The following PLA2G4A variants were observed in gnomAD, a reference collection of about 807,000 sequenced individuals.
The protein encoded by PLA2G4A is phospholipase A2 group IVA, also known as cytosolic phospholipase A2.
Under a neutral mutation model 81.9 loss-of-function variants are expected in PLA2G4A, and 40 were observed. That is an observed-to-expected ratio of 0.49 (90% CI 0.38 to 0.64). The LOEUF (loss-of-function observed/expected upper bound fraction) is 0.64. Ranked by LOEUF, PLA2G4A falls within the 30% of genes least tolerant of loss-of-function variation. The pLI, the probability that PLA2G4A is intolerant of heterozygous loss-of-function variation, is 0.00. For synonymous variants in PLA2G4A, 302 were observed against 296.9 expected (o/e 1.02, Z -0.18); for missense variants, 715 against 905.1 (o/e 0.79, Z 2.69).
At chr1:186,896,027 TTAATTA>T (rs1654321405) in intron 5 of PLA2G4A, among the ~76,000 whole-genome samples, 1 of 151,348 alleles carries the variant, frequency 6.6e-6, no homozygotes, top group South Asian at 2.1e-4. Flanking sequence ...ATGAATACAT[TTAATTA>T]TAATTTGATA....
intron 7 of PLA2G4A, among the ~76,000 whole-genome samples, chr1:186,919,767 A>G (rs1293482829): frequency 6.6e-6 from 1 of 152,220 alleles, no homozygotes; most frequent in Non-Finnish European, 1.5e-5. Flanking sequence ...AGCCAGCAGC[A>G]GCCCTAACAA....
intron 3 of PLA2G4A, among the ~76,000 whole-genome samples, chr1:186,872,628 A>T (rs1653322299): frequency 4.6e-5 from 7 of 151,976 alleles, no homozygotes. Flanking sequence ...GTCTCTTTCA[A>T]CTGGTGTGGA....
intron 15 of PLA2G4A, among the ~76,000 whole-genome samples, chr1:186,967,044 T>A (rs1434916201): frequency 6.6e-6 from 1 of 152,140 alleles, no homozygotes; most frequent in African/African-American, 2.4e-5. Flanking sequence ...GAAGTGGCAA[T>A]TCATAATAAT....
At chr1:186,934,114 A>C (rs1214801395) in intron 8 of PLA2G4A, among the ~76,000 whole-genome samples, 7 of 152,062 alleles carry the variant, frequency 4.6e-5, no homozygotes, top group Non-Finnish European at 1.0e-4. Context: ...TTTAATGAGT[A>C]ATGTGTTAGA....
At chr1:186,914,232 C>T (rs984765954) in intron 7 of PLA2G4A, among the ~76,000 whole-genome samples, 4 of 151,142 alleles carry the variant, frequency 2.6e-5, no homozygotes, top group African/African-American at 9.7e-5. Flanking sequence ...CAGGACTATG[C>T]GTGCATGCCA....
Position 186,988,837 on chromosome 1 carries a change from T to G in PLA2G4A, c.*329T>G, listed in dbSNP as rs1657978753. The stretch of plus-strand genomic sequence containing the variant: ...AAAAATTTTTTTTCTTTTAAAATAT[T>G]TAACAGTTCAATCTCAATAAGACCT... On this transcript the variant is annotated 3_prime_UTR_variant, in exon 18 of 18. Coordinates refer to ENST00000367466, the MANE Select transcript of PLA2G4A (RefSeq NM_024420.3). 2 of 230,490 alleles carry G rather than the reference T, an allele frequency of 8.7e-6. No homozygotes were observed. Among genetic ancestry groups the G allele is most frequent in the South Asian group, 1.3e-4 (2 of 15,982 alleles). The allele number at this position is 230,490 out of a possible 1,614,324, so 14.3% of individuals were successfully genotyped here. A position where few individuals can be genotyped will look rare whatever the true frequency, so the allele number is the denominator to read the frequency against.
intron 14 of PLA2G4A, among the ~76,000 whole-genome samples, chr1:186,960,119 C>T (rs1161004587): frequency 6.6e-6 from 1 of 152,024 alleles, no homozygotes; most frequent in Admixed American, 6.5e-5. Context: ...GATAAAATTC[C>T]ACTCATGTGT....
chr1:186,903,730 C>T (rs925656428), intron 5 of PLA2G4A, among the ~76,000 whole-genome samples: 18 of 152,178 alleles, frequency 1.2e-4, no homozygotes, highest in African/African-American at 3.4e-4. Context: ...TTGCAGGAAA[C>T]AAGCTCAGGG....
chr1:186,905,146 C>T (rs1654689504), intron 5 of PLA2G4A, among the ~76,000 whole-genome samples: 1 of 152,162 alleles, frequency 6.6e-6, no homozygotes, highest in Non-Finnish European at 1.5e-5. Flanking sequence ...TGAGCCACCA[C>T]ACCCAGCCAA....
intron 6 of PLA2G4A, among the ~76,000 whole-genome samples, chr1:186,907,440 C>T (rs571589384): frequency 7.9e-5 from 12 of 152,136 alleles, no homozygotes; most frequent in African/African-American, 2.9e-4. Flanking sequence ...TCATACTGAC[C>T]CAGCTGGACT....
chr1:186,901,603 A>G (rs1033625003), intron 5 of PLA2G4A, among the ~76,000 whole-genome samples: 1 of 152,212 alleles, frequency 6.6e-6, no homozygotes, highest in African/African-American at 2.4e-5. Flanking sequence ...AAGAAGTAAT[A>G]GAGTGGTTTG....
At chr1:186,954,133 C>T (rs181743995) in intron 13 of PLA2G4A, among the ~76,000 whole-genome samples, 162 of 152,262 alleles carry the variant, frequency 1.1e-3, no homozygotes, top group Non-Finnish European at 2.4e-4. Flanking sequence ...TATAAAGACA[C>T]ATGCACATGT....
At chr1:186,870,777 C>T (rs757008807) in intron 3 of PLA2G4A, 74 of 1,439,062 alleles carry the variant, frequency 5.1e-5, no homozygotes, top group Non-Finnish European at 6.7e-5. Flanking sequence ...TGCTGTTAAA[C>T]GTATAATTAT....
intron 7 of PLA2G4A, among the ~76,000 whole-genome samples, chr1:186,916,452 T>G (rs1037374284): frequency 2.6e-5 from 4 of 152,346 alleles, no homozygotes; most frequent in Admixed American, 6.5e-5. Context: ...TACTTATTTT[T>G]GGTCATATAG....
intron 17 of PLA2G4A, among the ~76,000 whole-genome samples, chr1:186,987,948 C>A (rs1265274581): frequency 3.3e-5 from 5 of 152,140 alleles, no homozygotes; most frequent in African/African-American, 1.2e-4. Context: ...TGCCTTCTTC[C>A]TCCACTAGGA....
intron 14 of PLA2G4A, among the ~76,000 whole-genome samples, chr1:186,961,016 G>A (rs1441124335): frequency 6.6e-6 from 1 of 152,092 alleles, no homozygotes. Flanking sequence ...CTACTTACTG[G>A]TTTGGCTTGG....
intron 6 of PLA2G4A, among the ~76,000 whole-genome samples, chr1:186,909,660 CAA>C (rs377504921): frequency 0.49 from 55,139 of 112,330 alleles, 12,473 homozygotes; most frequent in African/African-American, 0.64. Flanking sequence ...AACTCCGTCT[CAA>C]AAAAAAAAAA....
intron 5 of PLA2G4A, among the ~76,000 whole-genome samples, chr1:186,905,595 T>C (rs905391149): frequency 1.3e-5 from 2 of 152,180 alleles, no homozygotes; most frequent in Non-Finnish European, 2.9e-5. Flanking sequence ...TAGAATTCTA[T>C]ATATAGGAAC....
chr1:186,921,042 A>G (rs537384806), intron 7 of PLA2G4A, among the ~76,000 whole-genome samples: 10 of 151,980 alleles, frequency 6.6e-5, no homozygotes, highest in South Asian at 4.2e-4. Flanking sequence ...ATTGTGCTGG[A>G]CTCTCCTCTT....
Sources: gnomAD v4.1 joint callset for allele counts (sites outside exome capture counted in the v4.1 genomes callset) on GRCh38, gnomAD v4.1.1 for gene constraint, MANE v1.5 for transcripts, NCBI Gene and HGNC (gene_info 2026-07-23, HGNC 2026-07-21) for gene names.